MINDY4: variants seen among roughly 807,000 people sequenced by gnomAD.
MINDY4 encodes MINDY lysine 48 deubiquitinase 4.
A neutral mutation model predicts 87.0 loss-of-function variants in MINDY4; 68 were observed. The observed-to-expected ratio is 0.78, with a 90% CI of 0.64 to 0.96. The LOEUF (loss-of-function observed/expected upper bound fraction) is 0.96, where lower values mean the gene tolerates loss of function less well. Among genes scored for constraint, MINDY4 ranks in the 40% least tolerant of loss-of-function variants. The pLI, the probability that MINDY4 is intolerant of heterozygous loss-of-function variation, is 0.00. For synonymous variants in MINDY4, 379 were observed against 363.2 expected (o/e 1.04, Z -0.50); for missense variants, 919 against 928.2 (o/e 0.99, Z 0.13).
intron 5 of MINDY4, among the ~76,000 whole-genome samples, chr7:30,808,339 G>C (rs1584261019): frequency 1.3e-5 from 2 of 152,246 alleles, no homozygotes; most frequent in East Asian, 3.9e-4. Flanking sequence ...TTTGGTTTTT[G>C]TTTTTGACTT....
chr7:30,859,745 G>A (rs927607785), intron 13 of MINDY4, among the ~76,000 whole-genome samples: 2 of 152,286 alleles, frequency 1.3e-5, no homozygotes, highest in East Asian at 1.9e-4. Flanking sequence ...CCCTGCAGTC[G>A]CGTGGACAAG....
At chr7:30,857,559 G>A (rs1789616117) in intron 12 of MINDY4, among the ~76,000 whole-genome samples, 2 of 60,526 alleles carry the variant, frequency 3.3e-5, no homozygotes, top group Admixed American at 1.6e-4. Flanking sequence ...TGCAAGCTCC[G>A]CCTCCCGGGT....
intron 11 of MINDY4, 27 bp downstream of exon 11, chr7:30,852,306 C>T (rs1202079020): frequency 1.7e-5 from 28 of 1,613,802 alleles, no homozygotes; most frequent in Non-Finnish European, 2.4e-5. Flanking sequence ...AATTATCACG[C>T]AAACTTTGGC....
Position 30,782,373 on chromosome 7 carries a change from C to T in MINDY4, c.419+161C>T, listed in dbSNP as rs556823073. 6.4e-5 allele frequency among the ~76,000 whole-genome samples: 9 copies of T among 140,290 alleles called. No individual in the cohort carries two copies. The Middle Eastern group carries it at 0.011, about 176-fold the overall frequency. The allele number at this position is 140,290 out of a possible 152,430, so 92.0% of individuals were successfully genotyped here. ...GTGTGTGTGTGTGTGTGTGTGTGTG[C>T]ATGTATCTATATGCATATGTACCTG... On this transcript the variant is annotated intron_variant, in intron 3 of 17. Coordinates refer to ENST00000265299, the MANE Select transcript of MINDY4 (RefSeq NM_032222.3).
intron 13 of MINDY4, among the ~76,000 whole-genome samples, chr7:30,863,450 A>C (rs1013797885): frequency 1.3e-4 from 20 of 152,138 alleles, no homozygotes; most frequent in African/African-American, 4.8e-4. Context: ...GATTGTGTGA[A>C]GGGTGACTTG....
intron 9 of MINDY4, among the ~76,000 whole-genome samples, chr7:30,845,570 C>G (rs1005098767): frequency 6.6e-6 from 1 of 151,692 alleles, no homozygotes; most frequent in Non-Finnish European, 1.5e-5. Flanking sequence ...AGGAACACCA[C>G]GATGACCTGC....
Position 30,884,185 on chromosome 7 carries a change from C to T in MINDY4, c.2225+1192C>T, listed in dbSNP as rs117413863. Among the ~76,000 whole-genome samples, 908 of 152,194 alleles carry T rather than the reference C, an allele frequency of 6.0e-3. 7 individuals are homozygous for T. The highest frequency in any genetic ancestry group is 1.0e-2 in the Non-Finnish European group (678 of 68,020). On this transcript the variant is annotated intron_variant, in intron 17 of 17. Coordinates refer to ENST00000265299, the MANE Select transcript of MINDY4 (RefSeq NM_032222.3). ...AGGGTTGATGCCCACCACAGGAAAG[C>T]GAGCCCTTGAGAGGAGCTGCAGAGA...
intron 16 of MINDY4, 53 bp from the exon 17 acceptor site, chr7:30,882,868 G>T: frequency 6.4e-7 from 1 of 1,568,940 alleles, no homozygotes; most frequent in South Asian, 1.1e-5. Flanking sequence ...GCTGACCTCA[G>T]GGTGAGTGCA....
At chr7:30,807,882 C>A (rs7808845) in intron 5 of MINDY4, among the ~76,000 whole-genome samples, 13,711 of 152,244 alleles carry the variant, frequency 0.09, 1,234 homozygotes, top group African/African-American at 0.23. Flanking sequence ...ATTGCTCACT[C>A]GGGGAGCTCG....
intron 5 of MINDY4, among the ~76,000 whole-genome samples, chr7:30,800,796 C>T (rs1388746729): frequency 6.6e-6 from 1 of 152,138 alleles, no homozygotes; most frequent in East Asian, 1.9e-4. Context: ...GCCAAGGGCC[C>T]AAAGCCTCAG....
At chr7:30,822,725 C>G (rs1038928892) in intron 5 of MINDY4, among the ~76,000 whole-genome samples, 2 of 151,934 alleles carry the variant, frequency 1.3e-5, no homozygotes, top group African/African-American at 4.8e-5. Context: ...GTCTTGACTT[C>G]CCAGGCTCCA....
At chr7:30,883,659 C>T (rs995001376) in intron 17 of MINDY4, among the ~76,000 whole-genome samples, 6 of 152,176 alleles carry the variant, frequency 3.9e-5, no homozygotes, top group South Asian at 2.1e-4. Flanking sequence ...GCTGGTGGTG[C>T]GGTAGCTGTC....
At chr7:30,863,095 A>C (rs932576443) in intron 13 of MINDY4, among the ~76,000 whole-genome samples, 5 of 152,152 alleles carry the variant, frequency 3.3e-5, no homozygotes, top group African/African-American at 1.2e-4. Context: ...ACACAGCTTA[A>C]AAACCTCGGG....
intron 13 of MINDY4, among the ~76,000 whole-genome samples, chr7:30,864,569 G>A (rs911467669): frequency 6.6e-6 from 1 of 152,242 alleles, no homozygotes; most frequent in African/African-American, 2.4e-5. Flanking sequence ...CCTTCTGCAC[G>A]GTGGGCTCAA....
chr7:30,876,017 C>A (rs925338812), intron 15 of MINDY4, among the ~76,000 whole-genome samples: 2 of 152,194 alleles, frequency 1.3e-5, no homozygotes, highest in Admixed American at 6.5e-5. Flanking sequence ...CTAGTGCTGC[C>A]TAACAAAGTA....
At chr7:30,882,119 A>G (rs1790481797) in intron 15 of MINDY4, 62 bp from the exon 16 acceptor site, 1 of 1,501,632 alleles carries the variant, frequency 6.7e-7, no homozygotes, top group African/African-American at 1.4e-5. Flanking sequence ...AGTCAGACAG[A>G]AAAATGCCCG....
chr7:30,794,342 G>A (rs772790163), intron 5 of MINDY4, among the ~76,000 whole-genome samples: 21 of 152,238 alleles, frequency 1.4e-4, no homozygotes, highest in South Asian at 2.1e-4. Context: ...CTTCTAAAGC[G>A]TGGGAAAGTG....
At chr7:30,818,892 A>C (rs891343041) in intron 5 of MINDY4, among the ~76,000 whole-genome samples, 7 of 152,186 alleles carry the variant, frequency 4.6e-5, no homozygotes, top group African/African-American at 1.4e-4. Flanking sequence ...CTTCTTACTG[A>C]AAAGCTCCTA....
chr7:30,867,198 T>C (rs1260914085), intron 13 of MINDY4, among the ~76,000 whole-genome samples: 1 of 152,180 alleles, frequency 6.6e-6, no homozygotes, highest in East Asian at 1.9e-4. Context: ...CTACTCCCTC[T>C]TGGCCATCCT....
Sources: gnomAD v4.1 joint callset for allele counts (sites outside exome capture counted in the v4.1 genomes callset) on GRCh38, gnomAD v4.1.1 for gene constraint, MANE v1.5 for transcripts, NCBI Gene and HGNC (gene_info 2026-07-23, HGNC 2026-07-21) for gene names.